The following LATS1 variants were observed in gnomAD, a reference collection of about 807,000 sequenced individuals.
The protein encoded by LATS1 is serine/threonine-protein kinase LATS1.
In LATS1, 25 loss-of-function variants were observed where a neutral mutation model predicts 106.6. The ratio of observed to expected loss-of-function variants is 0.23; its 90% confidence interval spans 0.17 to 0.33. The LOEUF (loss-of-function observed/expected upper bound fraction) is 0.33. Among genes scored for constraint, LATS1 ranks in the 10% least tolerant of loss-of-function variants. LATS1 has a pLI of 1.00. For synonymous variants in LATS1, 465 were observed against 455.6 expected, an observed-to-expected ratio of 1.02 and a Z score of -0.26; for missense variants, 1,040 against 1,382.6, an observed-to-expected ratio of 0.75 and a Z score of 3.93.
At chr6:149,684,968 G>T (rs1782284559) in intron 3 of LATS1, among the ~76,000 whole-genome samples, 1 of 152,144 alleles carries the variant, frequency 6.6e-6, no homozygotes, top group Admixed American at 6.5e-5. Context: ...AGGCGTGGTG[G>T]CTCACGCCTG....
intron 7 of LATS1, among the ~76,000 whole-genome samples, chr6:149,673,239 A>G (rs1326016985): frequency 1.3e-5 from 2 of 151,212 alleles, no homozygotes; most frequent in Non-Finnish European, 2.9e-5. Flanking sequence ...CTGGGACTAC[A>G]GGTGCACACT....
rs183609383 is a variant in LATS1, at chr6:149,682,401, C to T, written c.2010+678G>A. 8.3e-4 allele frequency among the ~76,000 whole-genome samples: 125 copies of T among 150,898 alleles called. 1 individual carries two copies. Among genetic ancestry groups the T allele is most frequent in the Middle Eastern group, 3.4e-3 (1 of 292 alleles). On this transcript the variant is annotated intron_variant, in intron 4 of 7. Transcript: ENST00000543571. The stretch of plus-strand genomic sequence containing the variant: ...TAAGTATATCAAGAGATGAGACCCA[C>T]GTATTTCTTTTTTCTTTTTTTTTTT...
At chr6:149,707,578 G>T (rs574168316) in intron 1 of LATS1, among the ~76,000 whole-genome samples, 1 of 152,212 alleles carries the variant, frequency 6.6e-6, no homozygotes, top group East Asian at 1.9e-4. Context: ...AGTCCTATAG[G>T]CTGATGTAAC....
Position 149,680,258 on chromosome 6 carries a change from C to T in LATS1, c.2210G>A (p.Arg737Gln), listed in dbSNP as rs774100617. 2.5e-6 allele frequency: 4 copies of T among 1,613,940 alleles called. No homozygotes were observed. Among genetic ancestry groups the T allele is most frequent in the Admixed American group, 3.3e-5 (2 of 60,000 alleles). Residue 737 changes from arginine (R) to glutamine (Q), a missense_variant, in exon 5 of 8, where the codon CGA becomes CAA. Physicochemically the swap from Arg to Gln is conservative, Grantham distance 43. Around this residue, in one of 7 missense-constraint regions of LATS1, gnomAD observed 167 missense variants for 332.1 expected, o/e 0.50. Coordinates refer to ENST00000543571, the MANE Select transcript of LATS1 (RefSeq NM_004690.4). The stretch of plus-strand genomic sequence containing the variant: ...ATTTCGAAGAAGAACATCTTTCTTT[C>T]GAAGAGTTTTTGTTGCATACAAAGC... The part of the protein sequence containing the change: ...TKALYATKTL[R>Q]KKDVLLRNQV...
At chr6:149,704,285 G>A (rs1783627463) in intron 1 of LATS1, among the ~76,000 whole-genome samples, 1 of 152,176 alleles carries the variant, frequency 6.6e-6, no homozygotes, top group South Asian at 2.1e-4. Context: ...TTACAGGCGT[G>A]AGCCACTGTG....
intron 3 of LATS1, among the ~76,000 whole-genome samples, chr6:149,688,739 CA>C (rs1416079506): frequency 6.6e-6 from 1 of 152,148 alleles, no homozygotes; most frequent in Non-Finnish European, 1.5e-5. Flanking sequence ...AGACACAAAG[CA>C]GGTGAATAAA....
rs566651681 is a variant in LATS1 at position 149,680,089 on chromosome 6, T to C, written c.2379A>G (p.Leu793=). The C allele has an allele frequency of 2.0e-5, 32 of 1,613,746 alleles. No homozygotes were observed. The highest frequency in any genetic ancestry group is 1.7e-4 in the African/African-American group (13 of 75,032). Residue 793 remains leucine, a synonymous_variant, in exon 5 of 8, where the codon CTA becomes CTG. Coordinates refer to ENST00000543571, the MANE Select transcript of LATS1 (RefSeq NM_004690.4). ...CTGGAAAGATGCCCATTCTAATTAA[T>C]AGGCTCATCATATCACCCCCAGGAA... ...DYIPGGDMMS[L]LIRMGIFPES...
intron 1 of LATS1, among the ~76,000 whole-genome samples, chr6:149,715,510 G>T (rs1377875207): frequency 1.3e-5 from 2 of 152,038 alleles, no homozygotes; most frequent in Non-Finnish European, 2.9e-5. Context: ...GTAAGTTCAT[G>T]GATGTTCATT....
intron 5 of LATS1, among the ~76,000 whole-genome samples, chr6:149,677,659 T>A (rs774173310): frequency 3.3e-5 from 5 of 152,172 alleles, no homozygotes; most frequent in African/African-American, 9.7e-5. Context: ...AAAGGCCATT[T>A]CTGGAGAGAG....
At chr6:149,712,260 C>T (rs1377763607) in intron 1 of LATS1, among the ~76,000 whole-genome samples, 6 of 152,210 alleles carry the variant, frequency 3.9e-5, no homozygotes, top group East Asian at 1.9e-4. Flanking sequence ...TGCAATGGCG[C>T]GATCTTGGCT....
At chr6:149,702,813 A>T (rs763629579) in intron 1 of LATS1, among the ~76,000 whole-genome samples, 3 of 152,098 alleles carry the variant, frequency 2.0e-5, no homozygotes, top group Non-Finnish European at 2.9e-5. Context: ...CTGGGATTAC[A>T]GGCACCCGCC....
chr6:149,696,577 A>T (rs2114919275), intron 2 of LATS1, among the ~76,000 whole-genome samples: 1 of 151,230 alleles, frequency 6.6e-6, no homozygotes, highest in African/African-American at 2.4e-5. Context: ...AAAAAAAAAA[A>T]AAAAAAAAAG....
intron 1 of LATS1, among the ~76,000 whole-genome samples, chr6:149,705,424 T>C (rs1288810717): frequency 6.6e-6 from 1 of 152,168 alleles, no homozygotes; most frequent in East Asian, 1.9e-4. Flanking sequence ...GGATTAACAC[T>C]GTTGTGGAAT....
chr6:149,711,465 AC>A (rs1784091100), intron 1 of LATS1, among the ~76,000 whole-genome samples: 1 of 152,062 alleles, frequency 6.6e-6, no homozygotes, highest in Non-Finnish European at 1.5e-5. Flanking sequence ...AATTGCTTGA[AC>A]CTGGGAGGCG....
intron 1 of LATS1, among the ~76,000 whole-genome samples, chr6:149,707,011 CTTTTT>C (rs745424840): frequency 2.7e-5 from 3 of 110,442 alleles, no homozygotes; most frequent in African/African-American, 7.1e-5. Flanking sequence ...CTGGACATCT[CTTTTT>C]TTTTTTTTTT....
intron 7 of LATS1, among the ~76,000 whole-genome samples, chr6:149,671,186 TGCAGTG>T (rs1488592141): frequency 6.6e-6 from 1 of 151,874 alleles, no homozygotes; most frequent in Non-Finnish European, 1.5e-5. Context: ...CAGGCTGGAG[TGCAGTG>T]GCATGATCTT....
At chr6:149,692,901 C>T (rs1562342441) in intron 3 of LATS1, among the ~76,000 whole-genome samples, 1 of 151,774 alleles carries the variant, frequency 6.6e-6, no homozygotes, top group South Asian at 2.1e-4. Context: ...CTCTAACTCC[C>T]GACCTCAGGT....
At chr6:149,680,505 T>G in intron 4 of LATS1, 48 bp from the exon 5 acceptor site, 1 of 1,320,134 alleles carries the variant, frequency 7.6e-7, no homozygotes, top group Non-Finnish European at 1.0e-6. Flanking sequence ...TCTTCAATAT[T>G]GAATATTAAG....
In LATS1 at chr6:149,683,984, T is replaced by C. The variant is rs760698439; in HGVS notation, c.1105A>G (p.Asn369Asp). Residue 369 changes from asparagine to aspartate, a missense_variant, in exon 4 of 8, where the codon AAT (asparagine) becomes GAT (aspartate). Transcript: ENST00000543571. ...GGATATGGAGGTGGTGGCTGCCGATTCACAGTGCCAGCAGGGACAACATTT... is the reference window on the plus strand; with the variant it reads ...GGATATGGAGGTGGTGGCTGCCGATCCACAGTGCCAGCAGGGACAACATTT... ...HQNVVPAGTV[N>D]RQPPPPYPLT... 54 of 1,613,972 alleles carry C rather than the reference T, an allele frequency of 3.3e-5. No homozygotes were observed. The highest frequency in any genetic ancestry group is 4.4e-5 in the Non-Finnish European group (52 of 1,180,012).
Sources: allele counts gnomAD v4.1 joint callset (sites outside exome capture counted in the v4.1 genomes callset), GRCh38; gene constraint gnomAD v4.1.1; regional missense constraint gnomAD v4.1.1; transcripts MANE v1.5; gene names NCBI Gene and HGNC (gene_info 2026-07-23, HGNC 2026-07-21).